Variants in MORF4L1 observed in about 807,000 individuals in gnomAD.
The protein encoded by MORF4L1 is mortality factor 4-like protein 1.
MORF4L1 carries 4 observed loss-of-function variants against 52.9 expected under a neutral mutation model. The observed-to-expected ratio is 0.08, with a 90% CI of 0.04 to 0.17. The LOEUF is 0.17. MORF4L1 is among the 10% of genes least tolerant of loss of function. The pLI is 1.00. For synonymous variants in MORF4L1, 123 were observed against 134.8 expected (o/e 0.91, Z 0.61); for missense variants, 214 against 390.4 (o/e 0.55, Z 3.81).
rs78027264 is a variant in MORF4L1 at position 78,886,378 on chromosome 15, C to T, written c.242+151C>T. On this transcript the variant is annotated intron_variant, in intron 4 of 11. Transcript: ENST00000426013. ...GCTGTGTTACAGCTTTGACTTCAAG[C>T]GATCAAGCCATATCTAGGTAAAGGA... 0.037 allele frequency: 25,172 copies of T among 684,724 alleles called. 3,023 individuals are homozygous for T. The highest frequency in any genetic ancestry group is 0.34 in the East Asian group (12,520 of 36,562). 42.4% of individuals were successfully genotyped at this position (684,724 alleles called of 1,614,324 possible). A position where few individuals can be genotyped will look rare whatever the true frequency, so the allele number is the denominator to read the frequency against.
At chr15:78,896,515 G>T (rs1189052911) in intron 11 of MORF4L1, among the ~76,000 whole-genome samples, 1 of 151,620 alleles carries the variant, frequency 6.6e-6, no homozygotes, top group East Asian at 1.9e-4. Flanking sequence ...CTCCACTTTG[G>T]TCAGGCTGGT....
chr15:78,879,948 A>T (rs2056571418), intron 2 of MORF4L1, among the ~76,000 whole-genome samples: 1 of 152,212 alleles, frequency 6.6e-6, no homozygotes, highest in Admixed American at 6.5e-5. Context: ...TGTTGTGGTT[A>T]TTTTGGTTTT....
At chr15:78,892,413 G>A in intron 8 of MORF4L1, 100 bp downstream of exon 8, 2 of 662,508 alleles carry the variant, frequency 3.0e-6, no homozygotes, top group South Asian at 2.1e-5. Flanking sequence ...GAATTATTAA[G>A]GTATGACTGA....
chr15:78,885,007 A>T, intron 3 of MORF4L1: 2 of 1,614,028 alleles, frequency 1.2e-6, no homozygotes, highest in Middle Eastern at 1.6e-4. Flanking sequence ...ATCTTTGAAG[A>T]CACATGAGGA....
At position 78,897,714 on chromosome 15, in the gene MORF4L1, TTTTTTCTTTAAA is replaced by T. The variant is rs1190867589; in HGVS notation, c.*651_*662del. Reference sequence around the variant, plus strand: ...AATTGTTTTTCAGATCTTCAATAAATTTTTTCTTTAAATTTCAAAGAACAATGTGCTTGTGTT... The same window carrying T: ...AATTGTTTTTCAGATCTTCAATAAATTTTCAAAGAACAATGTGCTTGTGTT... On this transcript the variant is annotated 3_prime_UTR_variant, in exon 12 of 12. Coordinates refer to ENST00000426013, the MANE Select transcript of MORF4L1 (RefSeq NM_006791.4). 1 of 152,630 alleles carries T rather than the reference TTTTTTCTTTAAA, an allele frequency of 6.6e-6. No individual in the cohort carries two copies. Among genetic ancestry groups the T allele is most frequent in the African/African-American group, 2.4e-5 (1 of 41,452 alleles). 9.5% of individuals were successfully genotyped at this position (152,630 alleles called of 1,614,324 possible).
chr15:78,886,948 C>CT (rs1189712628), intron 4 of MORF4L1, among the ~76,000 whole-genome samples: 4 of 115,734 alleles, frequency 3.5e-5, no homozygotes, highest in Admixed American at 9.8e-5. Context: ...CAGTGAAACT[C>CT]TGTCTCAAAA....
chr15:78,873,093 G>A (rs1477809765), intron 1 of MORF4L1, 36 bp downstream of exon 1: 1 of 1,550,466 alleles, frequency 6.4e-7, no homozygotes, highest in South Asian at 1.2e-5. Flanking sequence ...GCACCTAACG[G>A]CGCAGGAGAT....
intron 10 of MORF4L1, 44 bp downstream of exon 10, chr15:78,894,274 G>GTCT: frequency 6.7e-7 from 1 of 1,492,484 alleles, no homozygotes; most frequent in Non-Finnish European, 9.1e-7. Flanking sequence ...TTTTTGGGGG[G>GTCT]TCTTCTCTAA....
chr15:78,875,817 C>T (rs1044683456), intron 1 of MORF4L1, among the ~76,000 whole-genome samples: 3 of 151,842 alleles, frequency 2.0e-5, no homozygotes, highest in Non-Finnish European at 2.9e-5. Flanking sequence ...ATTAGATGAT[C>T]GGAGAATATC....
At chr15:78,877,132 T>C (rs918986553) in intron 1 of MORF4L1, among the ~76,000 whole-genome samples, 12 of 146,312 alleles carry the variant, frequency 8.2e-5, no homozygotes, top group Non-Finnish European at 1.6e-4. Context: ...TTTTTTTTTT[T>C]TTTTTTTTGA....
intron 4 of MORF4L1, 22 bp from the exon 5 acceptor site, chr15:78,887,247 A>G (rs201837024): frequency 6.9e-6 from 11 of 1,586,554 alleles, no homozygotes; most frequent in East Asian, 6.7e-5. Context: ...TTATGTTGAC[A>G]TTACTGAAAT....
intron 3 of MORF4L1, among the ~76,000 whole-genome samples, chr15:78,884,658 A>AT (rs1224216239): frequency 8.8e-4 from 8 of 9,040 alleles, no homozygotes; most frequent in Non-Finnish European, 2.2e-3. Flanking sequence ...AAAAAAAAAA[A>AT]ATACACACAC....
chr15:78,890,964 TTTTC>T (rs1274724990), intron 5 of MORF4L1, 21 bp from the exon 6 acceptor site: 3 of 1,435,024 alleles, frequency 2.1e-6, no homozygotes, highest in Non-Finnish European at 2.8e-6. Context: ...AAATAATTAT[TTTTC>T]TTTTTTTTCT....
At chr15:78,882,548 A>G (rs1171221832) in intron 3 of MORF4L1, among the ~76,000 whole-genome samples, 3 of 152,222 alleles carry the variant, frequency 2.0e-5, no homozygotes, top group Admixed American at 6.5e-5. Flanking sequence ...TTACTAAACA[A>G]TGCCTTGCTA....
chr15:78,884,673 ACACACACAC>A (rs1407857162), intron 3 of MORF4L1, among the ~76,000 whole-genome samples: 10 of 141,670 alleles, frequency 7.1e-5, no homozygotes, highest in African/African-American at 2.5e-4. Flanking sequence ...ACACACACAC[ACACACACAC>A]ACACAAATAT....
rs71148578 is a variant in MORF4L1, at chr15:78,896,308, C to CT, written c.888-652dup. Among the ~76,000 whole-genome samples the CT allele has an allele frequency of 9.2e-3, 749 of 81,378 alleles. 4 individuals are homozygous for CT. The highest frequency in any genetic ancestry group is 0.012 in the Non-Finnish European group (524 of 44,374). The allele number at this position is 81,378 out of a possible 152,430, so 53.4% of individuals were successfully genotyped here. A position where few individuals can be genotyped will look rare whatever the true frequency, so the allele number is the denominator to read the frequency against. ...ATTTTTTTCTTTTTTCTTTTCTTTTCTTTTTTTTTTTTTTTTTTTTTTTGA... is the reference window on the plus strand; with the variant it reads ...ATTTTTTTCTTTTTTCTTTTCTTTTCTTTTTTTTTTTTTTTTTTTTTTTTGA... On this transcript the variant is annotated intron_variant, in intron 11 of 11. Coordinates refer to ENST00000426013, the MANE Select transcript of MORF4L1 (RefSeq NM_006791.4).
At chr15:78,875,826 T>C (rs1340624242) in intron 1 of MORF4L1, among the ~76,000 whole-genome samples, 1 of 152,108 alleles carries the variant, frequency 6.6e-6, no homozygotes, top group East Asian at 1.9e-4. Context: ...TCGGAGAATA[T>C]CTTGCAAGGG....
chr15:78,873,136 G>T lies in MORF4L1; in HGVS notation c.40+79G>T, dbSNP rs959572945. The stretch of plus-strand genomic sequence containing the variant: ...GGCTCGAGGTGATTGAGGCTTGAGG[G>T]CCGGGGGCGGCGCGGGCTGCGCCCT... On this transcript the variant is annotated intron_variant, in intron 1 of 11. Coordinates refer to ENST00000426013, the MANE Select transcript of MORF4L1 (RefSeq NM_006791.4). 12 of 1,539,060 alleles carry T rather than the reference G, an allele frequency of 7.8e-6. No individual in the cohort carries two copies. The African/African-American group carries it at 9.8e-5, about 13-fold the overall frequency.
intron 4 of MORF4L1, 89 bp downstream of exon 4, chr15:78,886,316 GC>G: frequency 2.6e-6 from 3 of 1,139,528 alleles, no homozygotes; most frequent in East Asian, 4.9e-5. Context: ...CATGTTGGCT[GC>G]CCTGCCTATA....
Sources: allele counts gnomAD v4.1 joint callset (sites outside exome capture counted in the v4.1 genomes callset), GRCh38; gene constraint gnomAD v4.1.1; transcripts MANE v1.5; gene names NCBI Gene and HGNC (gene_info 2026-07-23, HGNC 2026-07-21).